The following DNM3 variants were observed in gnomAD, a reference collection of about 807,000 sequenced individuals.
The protein encoded by DNM3 is dynamin 3.
A neutral mutation model predicts 101.6 loss-of-function variants in DNM3; 47 were observed. That is an observed-to-expected ratio of 0.46 (90% CI 0.37 to 0.59). The LOEUF (loss-of-function observed/expected upper bound fraction) is 0.59, where lower values mean the gene tolerates loss of function less well. DNM3 is among the 20% of genes least tolerant of loss of function. The probability of loss-of-function intolerance (pLI) is 0.00; values close to 1 mark genes in which losing one functional copy is unlikely to be tolerated. For missense variants in DNM3, 849 were observed against 1,085.7 expected (o/e 0.78, Z 3.06); for synonymous variants, 385 against 387.9 (o/e 0.99, Z 0.09).
Position 172,225,134 on chromosome 1 carries a change from C to CTTTTTTTTTTT in DNM3, c.1660-28424_1660-28414dup, listed in dbSNP as rs1168334078. 6.7e-4 allele frequency among the ~76,000 whole-genome samples: 44 copies of CTTTTTTTTTTT among 65,528 alleles called. 1 individual carries two copies. Among genetic ancestry groups the CTTTTTTTTTTT allele is most frequent in the Admixed American group, 1.0e-3 (5 of 4,914 alleles). The allele number at this position is 65,528 out of a possible 152,430, so 43.0% of individuals were successfully genotyped here. On this transcript the variant is annotated intron_variant, in intron 14 of 20. Coordinates refer to ENST00000627582, the MANE Select transcript of DNM3 (RefSeq NM_015569.5). ...CATGTCCCTCCTGTTTCTTCTTCCTCTTTTTTTTTTTTTTTTTTTTTTTTT... is the reference window on the plus strand; with the variant it reads ...CATGTCCCTCCTGTTTCTTCTTCCTCTTTTTTTTTTTTTTTTTTTTTTTTTTTTTTTTTTTT...
chr1:171,854,149 G>T (rs1345419508), intron 1 of DNM3, among the ~76,000 whole-genome samples: 4 of 152,252 alleles, frequency 2.6e-5, no homozygotes, highest in East Asian at 3.9e-4. Context: ...ATAGAGTGTA[G>T]TCAGAACTTA....
At chr1:172,056,883 A>C (rs1246819585) in intron 10 of DNM3, among the ~76,000 whole-genome samples, 1 of 152,160 alleles carries the variant, frequency 6.6e-6, no homozygotes, top group Non-Finnish European at 1.5e-5. Flanking sequence ...GCTTCAGATG[A>C]TCAAATTACT....
rs922136565 is a variant in DNM3 at position 172,256,928 on chromosome 1, A to G, written c.1769+3246A>G. Among the ~76,000 whole-genome samples, 3 of 137,454 alleles carry G rather than the reference A, an allele frequency of 2.2e-5. No individual in the cohort carries two copies. The Admixed American group carries it at 2.2e-4, about 10-fold the overall frequency. 90.2% of individuals were successfully genotyped at this position (137,454 alleles called of 152,430 possible). On this transcript the variant is annotated intron_variant, in intron 15 of 20. Coordinates refer to ENST00000627582, the MANE Select transcript of DNM3 (RefSeq NM_015569.5). The stretch of plus-strand genomic sequence containing the variant: ...ATGTTTTTTTTTTTTTGAGCTATTT[A>G]AAAGTGTGTTTTACATTTTAGAATG...
At chr1:172,015,345 G>A (rs1163204655) in intron 4 of DNM3, among the ~76,000 whole-genome samples, 1 of 152,098 alleles carries the variant, frequency 6.6e-6, no homozygotes, top group Non-Finnish European at 1.5e-5. Context: ...TGAATCTATA[G>A]ATTAAGTTGG....
rs559328998 is a variant in DNM3 at position 172,195,494 on chromosome 1, C to T, written c.1660-58079C>T. On this transcript the variant is annotated intron_variant, in intron 14 of 20. Coordinates refer to ENST00000627582, the MANE Select transcript of DNM3 (RefSeq NM_015569.5). ...AGTTGTGAGAGGGGACATCCTTGCC[C>T]TCTTCCTCATCTCATGGTACAGCAT... Among the ~76,000 whole-genome samples the T allele has an allele frequency of 8.6e-5, 13 of 151,922 alleles. No individual in the cohort carries two copies. In the South Asian group the frequency reaches 2.7e-3, roughly 32 times the overall value.
At position 172,408,022 on chromosome 1, in the gene DNM3, G is replaced by C; in HGVS notation, c.*181G>C. ...ATGGTATGTCAAACCTTTGGGGTTT[G>C]ACTCAGAAACTGCTAACCTTTTAGA... On this transcript the variant is annotated 3_prime_UTR_variant, in exon 21 of 21. Coordinates refer to ENST00000627582, the MANE Select transcript of DNM3 (RefSeq NM_015569.5). 1 of 1,446,064 alleles carries C rather than the reference G, an allele frequency of 6.9e-7. No homozygotes were observed. The allele number at this position is 1,446,064 out of a possible 1,614,324, so 89.6% of individuals were successfully genotyped here.
intron 14 of DNM3, among the ~76,000 whole-genome samples, chr1:172,194,839 T>A (rs774668870): frequency 5.3e-5 from 8 of 152,142 alleles, no homozygotes; most frequent in Non-Finnish European, 7.4e-5. Flanking sequence ...TGTCTTTTAA[T>A]TGGAGTCTTT....
intron 2 of DNM3, among the ~76,000 whole-genome samples, chr1:171,962,975 C>T (rs753487506): frequency 1.3e-5 from 2 of 152,124 alleles, no homozygotes; most frequent in South Asian, 2.1e-4. Flanking sequence ...GAAGACAGTT[C>T]AGCGGTTTCT....
At chr1:172,040,143 G>T (rs1249177676) in intron 7 of DNM3, among the ~76,000 whole-genome samples, 1 of 152,138 alleles carries the variant, frequency 6.6e-6, no homozygotes, top group Non-Finnish European at 1.5e-5. Flanking sequence ...GGGCCAGGTG[G>T]CTGAGGTATA....
intron 6 of DNM3, among the ~76,000 whole-genome samples, chr1:172,035,932 A>G (rs571357550): frequency 1.6e-4 from 24 of 152,294 alleles, no homozygotes; most frequent in Admixed American, 1.4e-3. Context: ...ATAAACATAA[A>G]GATGACTTAA....
chr1:172,110,900 G>T (rs563863208), intron 13 of DNM3, among the ~76,000 whole-genome samples: 5 of 152,294 alleles, frequency 3.3e-5, no homozygotes, highest in Admixed American at 2.6e-4. Flanking sequence ...GCTGGACAAG[G>T]TGGCATGCGC....
At chr1:171,864,025 A>T (rs1316729445) in intron 1 of DNM3, among the ~76,000 whole-genome samples, 1 of 152,206 alleles carries the variant, frequency 6.6e-6, no homozygotes, top group African/African-American at 2.4e-5. Flanking sequence ...TTATTTACTC[A>T]TCTGCAGAAT....
chr1:172,103,495 A>G (rs4244192), intron 13 of DNM3, among the ~76,000 whole-genome samples: 88,647 of 151,968 alleles, frequency 0.58, 27,140 homozygotes, highest in Non-Finnish European at 0.69. Flanking sequence ...AGTGTTCTAC[A>G]GTATGGATGT....
chr1:172,029,243 G>T (rs2125786848), intron 4 of DNM3, among the ~76,000 whole-genome samples: 1 of 152,272 alleles, frequency 6.6e-6, no homozygotes, highest in African/African-American at 2.4e-5. Flanking sequence ...TGGGATGCAA[G>T]GCTGGTTCAA....
chr1:172,400,887 T>C (rs2070433027), intron 20 of DNM3, among the ~76,000 whole-genome samples: 1 of 152,142 alleles, frequency 6.6e-6, no homozygotes, highest in South Asian at 2.1e-4. Context: ...CCCTTAACTT[T>C]CCGTACTTTC....
At chr1:172,269,561 T>A (rs902469565) in intron 15 of DNM3, among the ~76,000 whole-genome samples, 31 of 152,230 alleles carry the variant, frequency 2.0e-4, no homozygotes, top group African/African-American at 6.5e-4. Context: ...AAGAGATTGA[T>A]ACAAATGATT....
intron 20 of DNM3, 122 bp downstream of exon 20, chr1:172,388,931 CA>C (rs1344381787): frequency 1.2e-6 from 1 of 839,728 alleles, no homozygotes; most frequent in Non-Finnish European, 1.9e-6. Flanking sequence ...TTGCAGTTTT[CA>C]CAATGAACAG....
intron 20 of DNM3, among the ~76,000 whole-genome samples, chr1:172,392,015 T>A (rs1408161044): frequency 6.6e-6 from 1 of 152,202 alleles, no homozygotes; most frequent in African/African-American, 2.4e-5. Context: ...ACACTTGCAA[T>A]TGTACAGAAA....
intron 2 of DNM3, among the ~76,000 whole-genome samples, chr1:171,923,546 G>C (rs902533737): frequency 6.7e-6 from 1 of 149,604 alleles, no homozygotes; most frequent in African/African-American, 2.5e-5. Flanking sequence ...TTCATTTCTC[G>C]TTATTTTTGT....
Sources: gnomAD v4.1 joint callset for allele counts (sites outside exome capture counted in the v4.1 genomes callset) on GRCh38, gnomAD v4.1.1 for gene constraint, MANE v1.5 for transcripts, NCBI Gene and HGNC (gene_info 2026-07-23, HGNC 2026-07-21) for gene names.